Variants in ZNF615 observed in about 807,000 individuals in gnomAD.
ZNF615 encodes zinc finger protein 615.
ZNF615 carries 15 observed loss-of-function variants against 15.3 expected under a neutral mutation model. The ratio of observed to expected loss-of-function variants is 0.98; its 90% confidence interval spans 0.66 to 1.51. The LOEUF is 1.51. ZNF615 is among the 40% of genes most tolerant of loss of function. The pLI is 0.00. For synonymous variants in ZNF615, 268 were observed against 294.6 expected (o/e 0.91, Z 0.92); for missense variants, 848 against 895.9 (o/e 0.95, Z 0.68).
At position 52,001,873 on chromosome 19, in the gene ZNF615, A is replaced by G; in HGVS notation, c.178T>C (p.Leu60=). Residue 60 remains leucine (L), a synonymous_variant, in exon 5 of 7, where the codon TTG becomes CTG. Coordinates refer to ENST00000598071, the MANE Select transcript of ZNF615 (RefSeq NM_001199324.2). ...GTGCAAGTTTCTTCTCCTCGTTCCA[A>G]TTTGGAGAGTGCATCTGGTTTGCTG... ...QASKPDALSK[L]ERGEETCTTE... is the part of the protein sequence containing the mutation. The G allele has an allele frequency of 6.2e-7, 1 of 1,614,126 alleles. No homozygotes were observed. Among genetic ancestry groups the G allele is most frequent in the South Asian group, 1.1e-5 (1 of 91,076 alleles).
intron 6 of ZNF615, among the ~76,000 whole-genome samples, chr19:51,995,697 A>C (rs2086399981): frequency 6.7e-6 from 1 of 150,342 alleles, no homozygotes; most frequent in Non-Finnish European, 1.5e-5. Flanking sequence ...CAGCCTCTTG[A>C]TTAGCTGGGA....
chr19:52,000,139 G>C (rs1253440598), intron 6 of ZNF615: 1 of 397,744 alleles, frequency 2.5e-6, no homozygotes, highest in Non-Finnish European at 4.4e-6. Context: ...ACCAAATACT[G>C]TGTATTCTCA....
In ZNF615 at chr19:51,991,542, G is replaced by A. The variant is rs1264861141; in HGVS notation, c.*1338C>T. 1 of 152,144 alleles carries A rather than the reference G, an allele frequency of 6.6e-6. No homozygotes were observed. Among genetic ancestry groups the A allele is most frequent in the Non-Finnish European group, 1.5e-5 (1 of 68,026 alleles). The allele number at this position is 152,144 out of a possible 1,614,324, so 9.4% of individuals were successfully genotyped here. On this transcript the variant is annotated 3_prime_UTR_variant, in exon 7 of 7. Coordinates refer to ENST00000598071, the MANE Select transcript of ZNF615 (RefSeq NM_001199324.2). ...AGTTGAAATAGCCAATACCAAAAGG[G>A]TACATGCTGTATGATTCCATTTTTA...
chr19:52,008,121 C>A lies in ZNF615; in HGVS notation c.-228+20G>T. 6.5e-7 allele frequency: 1 copy of A among 1,535,074 alleles called. No individual in the cohort carries two copies. Among genetic ancestry groups the A allele is most frequent in the Non-Finnish European group, 8.7e-7 (1 of 1,146,368 alleles). On this transcript the variant is annotated intron_variant, in intron 1 of 6. Transcript: ENST00000598071. ...TTTCCTCCCCCGTCACCACAGCGAC[C>A]ACCCAGTGACTGAACTTACTTCCCA...
intron 1 of ZNF615, 69 bp downstream of exon 1, chr19:52,008,072 G>T (rs1034699805): frequency 1.9e-5 from 27 of 1,453,540 alleles, no homozygotes; most frequent in Admixed American, 6.0e-5. Context: ...CACTGTCCAC[G>T]AACACGCCCA....
chr19:51,993,254 T>G lies in ZNF615; in HGVS notation c.1855A>C (p.Lys619Gln), dbSNP rs2086292420. 6.2e-7 allele frequency: 1 copy of G among 1,614,082 alleles called. No homozygotes were observed. The highest frequency in any genetic ancestry group is 8.5e-7 in the Non-Finnish European group (1 of 1,180,026). The change falls in exon 7 of 7, where the codon AAG becomes CAG. Residue 619 changes from lysine to glutamine, a missense_variant. Physicochemically the swap from Lys to Gln is moderately conservative, Grantham distance 53. Coordinates refer to ENST00000598071, the MANE Select transcript of ZNF615 (RefSeq NM_001199324.2). The stretch of plus-strand genomic sequence containing the variant: ...TGCTGATGTATACTGAGAGTACTCT[T>G]CATGGTGAAGCCCTTTCCACATTCA... ...CNECGKGFTM[K>Q]STLSIHQQTH...
Position 52,001,832 on chromosome 19 carries a change from GATTT to G in ZNF615, c.215_218del (p.Glu72AlafsTer40). ...ACTCACCAGAACAGATTCGAGAGTA[GATTT>G]CATCTTCTGTTGTGCAAGTTTCTTC... On this transcript the variant is annotated frameshift_variant, in exon 5 of 7. Transcript: ENST00000598071. LOFTEE classifies it high-confidence loss of function. 6.2e-7 allele frequency: 1 copy of G among 1,614,108 alleles called. No individual in the cohort carries two copies. The highest frequency in any genetic ancestry group is 8.5e-7 in the Non-Finnish European group (1 of 1,180,004).
At chr19:52,005,300 G>A (rs1013079797) in intron 2 of ZNF615, among the ~76,000 whole-genome samples, 3 of 152,020 alleles carry the variant, frequency 2.0e-5, no homozygotes, top group African/African-American at 4.8e-5. Flanking sequence ...GTAGGAGGAT[G>A]GCAAATGAAA....
intron 4 of ZNF615, 74 bp from the exon 5 acceptor site, chr19:52,001,982 T>C: frequency 3.1e-6 from 5 of 1,597,780 alleles, no homozygotes; most frequent in Non-Finnish European, 4.3e-6. Flanking sequence ...AGAGTTACAT[T>C]TTAAGGACTA....
intron 3 of ZNF615, 36 bp from the exon 4 acceptor site, chr19:52,002,317 T>G (rs745987019): frequency 3.1e-6 from 5 of 1,613,078 alleles, no homozygotes; most frequent in Non-Finnish European, 3.4e-6. Flanking sequence ...GAAGTCATAT[T>G]CTTTTGGTGA....
Position 51,991,502 on chromosome 19 carries a change from A to C in ZNF615, c.*1378T>G, listed in dbSNP as rs1467917876. ...ATGCAGAACAACTTGGATGGATTTC[A>C]GGTTAATCTGCTTTAGTTGAAATAG... On this transcript the variant is annotated 3_prime_UTR_variant, in exon 7 of 7. Coordinates refer to ENST00000598071, the MANE Select transcript of ZNF615 (RefSeq NM_001199324.2). The C allele has an allele frequency of 6.6e-6, 1 of 152,246 alleles. No individual in the cohort carries two copies. Among genetic ancestry groups the C allele is most frequent in the Non-Finnish European group, 1.5e-5 (1 of 68,046 alleles). 9.4% of individuals were successfully genotyped at this position (152,246 alleles called of 1,614,324 possible). A position where few individuals can be genotyped will look rare whatever the true frequency, so the allele number is the denominator to read the frequency against.
rs773966118 is a variant in ZNF615, at chr19:51,994,351, G to A, written c.758C>T (p.Ser253Phe). The stretch of plus-strand genomic sequence containing the variant: ...ATGGTCCATTAGTCTGGATTTTCTG[G>A]AGAAAGCTTTCCCACACATACTGCA... ...HVCSMCGKAF[S>F]RKSRLMDHQR... Residue 253 changes from serine (S) to phenylalanine (F), a missense_variant, in exon 7 of 7, where the codon TCC (serine) becomes TTC (phenylalanine). Physicochemically the swap from Ser to Phe is radical, Grantham distance 155. Coordinates refer to ENST00000598071, the MANE Select transcript of ZNF615 (RefSeq NM_001199324.2). 15 of 1,613,858 alleles carry A rather than the reference G, an allele frequency of 9.3e-6. No individual in the cohort carries two copies. Among genetic ancestry groups the A allele is most frequent in the African/African-American group, 5.3e-5 (4 of 74,890 alleles).
In ZNF615 at chr19:52,003,809, A is replaced by G. The variant is rs2086674388; in HGVS notation, c.-98T>C. On this transcript the variant is annotated 5_prime_UTR_variant, in exon 3 of 7. Transcript: ENST00000598071. ...TTCGGTTCAAAAACTTCAATCTCCAATCAAGGATGTCCCCAGAAATGATGA... is the reference window on the plus strand; with the variant it reads ...TTCGGTTCAAAAACTTCAATCTCCAGTCAAGGATGTCCCCAGAAATGATGA... 5.1e-6 allele frequency: 8 copies of G among 1,578,944 alleles called. No individual in the cohort carries two copies. In the Admixed American group the frequency reaches 7.5e-5, roughly 15 times the overall value.
chr19:51,994,678 T>A lies in ZNF615; in HGVS notation c.431A>T (p.His144Leu). The change falls in exon 7 of 7, where the codon CAT becomes CTT. Residue 144 changes from histidine (H) to leucine (L), a missense_variant. Physicochemically the swap from His to Leu is moderately conservative, Grantham distance 99. Coordinates refer to ENST00000598071, the MANE Select transcript of ZNF615 (RefSeq NM_001199324.2). ...LKQDCDTFDL[H>L]EKPLKSNLSF... is the part of the protein sequence containing the mutation. ...TAAATTTGATTTTAAAGGTTTTTCA[T>A]GTAAGTCAAACGTATCACAATCTTG... is the stretch of plus-strand genomic sequence containing the variant. The A allele has an allele frequency of 6.2e-7, 1 of 1,613,478 alleles. No individual in the cohort carries two copies. The highest frequency in any genetic ancestry group is 8.5e-7 in the Non-Finnish European group (1 of 1,179,978).
At position 51,991,453 on chromosome 19, in the gene ZNF615, G is replaced by A. The variant is rs1285427815; in HGVS notation, c.*1427C>T. ...TATATTCGTATCATAGATTATTAGT[G>A]GCCAATAAAAACAGAACAATGATAT... On this transcript the variant is annotated 3_prime_UTR_variant, in exon 7 of 7. Transcript: ENST00000598071. The A allele has an allele frequency of 2.0e-5, 3 of 152,154 alleles. No individual in the cohort carries two copies. The highest frequency in any genetic ancestry group is 7.2e-5 in the African/African-American group (3 of 41,430). 9.4% of individuals were successfully genotyped at this position (152,154 alleles called of 1,614,324 possible).
In ZNF615 at chr19:51,996,407, A is replaced by AAAAAAAAAAAAC. The variant is rs755143397; in HGVS notation, c.272-1571_272-1570insGTTTTTTTTTTT. 6.2e-4 allele frequency among the ~76,000 whole-genome samples: 86 copies of AAAAAAAAAAAAC among 138,370 alleles called. 4 individuals are homozygous for AAAAAAAAAAAAC. The highest frequency in any genetic ancestry group is 1.5e-3 in the African/African-American group (56 of 37,216). The allele number at this position is 138,370 out of a possible 152,430, so 90.8% of individuals were successfully genotyped here. ...TCTCAAAAAAAAAAAAAAAAAAAAAAACGCAAAACTATATGGCTTCAGCCA... is the reference window on the plus strand; with the variant it reads ...TCTCAAAAAAAAAAAAAAAAAAAAAAAAAAAAAAAAACACGCAAAACTATATGGCTTCAGCCA... On this transcript the variant is annotated intron_variant, in intron 6 of 6. Transcript: ENST00000598071.
At chr19:51,996,002 A>C (rs1334156961) in intron 6 of ZNF615, among the ~76,000 whole-genome samples, 2 of 152,198 alleles carry the variant, frequency 1.3e-5, no homozygotes, top group Non-Finnish European at 2.9e-5. Context: ...AAATCAAGAT[A>C]TAGTTAAAGA....
At chr19:52,001,676 A>T in intron 5 of ZNF615, 137 bp downstream of exon 5, 1 of 661,362 alleles carries the variant, frequency 1.5e-6, no homozygotes, top group Non-Finnish European at 2.7e-6. Context: ...ATAACAAAAA[A>T]GAGCTCTTCC....
chr19:51,993,853 C>G lies in ZNF615; in HGVS notation c.1256G>C (p.Gly419Ala). The change falls in exon 7 of 7, where the codon GGC (glycine) becomes GCC (alanine). Residue 419 changes from glycine to alanine, a missense_variant. Coordinates refer to ENST00000598071, the MANE Select transcript of ZNF615 (RefSeq NM_001199324.2). ...KLYTCSECGKGFSMKHCLMVH... is the reference protein window; with the variant it reads ...KLYTCSECGKAFSMKHCLMVH... ...CATGAGACAGTGCTTCATTGAAAAG[C>G]CTTTTCCACATTCACTACATGTATA... is the stretch of plus-strand genomic sequence containing the variant. 2 of 1,614,082 alleles carry G rather than the reference C, an allele frequency of 1.2e-6. No individual in the cohort carries two copies. The highest frequency in any genetic ancestry group is 8.5e-7 in the Non-Finnish European group (1 of 1,179,998).
Sources: allele counts gnomAD v4.1 joint callset (sites outside exome capture counted in the v4.1 genomes callset), GRCh38; gene constraint gnomAD v4.1.1; transcripts MANE v1.5; gene names NCBI Gene and HGNC (gene_info 2026-07-23, HGNC 2026-07-21).